LRRIQ3: variants seen among roughly 807,000 people sequenced by gnomAD.
LRRIQ3 encodes the protein leucine-rich repeat and IQ domain-containing protein 3.
Under a neutral mutation model 59.3 loss-of-function variants are expected in LRRIQ3, and 75 were observed. The observed-to-expected ratio is 1.26, with a 90% confidence interval of 1.05 to 1.53. LRRIQ3 has a LOEUF of 1.53. Ranked by LOEUF, LRRIQ3 falls within the 40% of genes most tolerant of loss-of-function variation. The pLI, the probability that LRRIQ3 is intolerant of heterozygous loss-of-function variation, is 0.00. For synonymous variants in LRRIQ3, 250 were observed against 231.3 expected (o/e 1.08, Z -0.73); for missense variants, 831 against 710.0 (o/e 1.17, Z -1.94).
Position 74,155,689 on chromosome 1 carries a change from C to T in LRRIQ3, c.707+44G>A, listed in dbSNP as rs758549120. On this transcript the variant is annotated intron_variant, in intron 4 of 7. Coordinates refer to ENST00000354431, the MANE Select transcript of LRRIQ3 (RefSeq NM_001105659.2). ...TGACTTCTTATCATTTATTTCTTCACCTTCTTATTTCAATATTCAAATGGT... is the reference window on the plus strand; with the variant it reads ...TGACTTCTTATCATTTATTTCTTCATCTTCTTATTTCAATATTCAAATGGT... 2.0e-5 allele frequency: 30 copies of T among 1,498,082 alleles called. No individual in the cohort carries two copies. In the African/African-American group the frequency reaches 3.3e-4, roughly 17 times the overall value. The allele number at this position is 1,498,082 out of a possible 1,614,324, so 92.8% of individuals were successfully genotyped here.
chr1:74,067,566 T>C (rs575478367), intron 6 of LRRIQ3, among the ~76,000 whole-genome samples: 2 of 152,270 alleles, frequency 1.3e-5, no homozygotes, highest in South Asian at 4.1e-4. Context: ...TCTGTTAAAA[T>C]TATAGATATC....
chr1:74,099,726 T>A (rs1438353676), intron 5 of LRRIQ3, among the ~76,000 whole-genome samples: 1 of 152,160 alleles, frequency 6.6e-6, no homozygotes, highest in Non-Finnish European at 1.5e-5. Context: ...GTGTGCTTCA[T>A]CCCTGGGATG....
intron 5 of LRRIQ3, among the ~76,000 whole-genome samples, chr1:74,097,812 A>G (rs1646469453): frequency 1.3e-5 from 2 of 152,194 alleles, no homozygotes; most frequent in South Asian, 4.1e-4. Flanking sequence ...ACTAAGCTTC[A>G]TAAGTGAAGG....
intron 6 of LRRIQ3, among the ~76,000 whole-genome samples, chr1:74,073,923 C>A (rs1646166603): frequency 1.3e-5 from 2 of 151,930 alleles, no homozygotes; most frequent in South Asian, 4.1e-4. Flanking sequence ...TGTTGTAAAA[C>A]AAAATCAAGA....
chr1:74,041,283 G>C lies in LRRIQ3; in HGVS notation c.1648C>G (p.Leu550Val). The part of the protein sequence containing the change: ...KNEAVLKEKS[L>V]IVKQKLKAEK... ...GCTTTTAGTTTTTGCTTAACAATCAGGCTTTTCTCTTTTAGGACAGCCTCA... is the reference window on the plus strand; with the variant it reads ...GCTTTTAGTTTTTGCTTAACAATCACGCTTTTCTCTTTTAGGACAGCCTCA... Residue 550 changes from leucine to valine, a missense_variant, in exon 7 of 8, where the codon CTG becomes GTG. Transcript: ENST00000354431. The C allele has an allele frequency of 6.2e-7, 1 of 1,607,534 alleles. No individual in the cohort carries two copies. Among genetic ancestry groups the C allele is most frequent in the Non-Finnish European group, 8.5e-7 (1 of 1,178,388 alleles).
intron 4 of LRRIQ3, among the ~76,000 whole-genome samples, chr1:74,147,218 A>G (rs1426863147): frequency 6.6e-6 from 1 of 152,144 alleles, no homozygotes; most frequent in Non-Finnish European, 1.5e-5. Flanking sequence ...TACAGGTAAG[A>G]CTCTGCATCA....
chr1:74,185,422 C>A lies in LRRIQ3; in HGVS notation c.1-1738G>T, dbSNP rs144340741. ...TGTTGAGCATCTTTCATACATGTGGCTTATTAGCCACATGTATATCTTCCT... is the reference window on the plus strand; with the variant it reads ...TGTTGAGCATCTTTCATACATGTGGATTATTAGCCACATGTATATCTTCCT... On this transcript the variant is annotated intron_variant, in intron 1 of 7. Transcript: ENST00000354431. Among the ~76,000 whole-genome samples the A allele has an allele frequency of 6.2e-4, 94 of 152,188 alleles. No homozygotes were observed. The East Asian group carries it at 0.018, about 29-fold the overall frequency.
chr1:74,104,100 G>A (rs534142228), intron 5 of LRRIQ3, among the ~76,000 whole-genome samples: 98 of 152,074 alleles, frequency 6.4e-4, no homozygotes, highest in African/African-American at 2.3e-3. Context: ...TAGATGGTAA[G>A]TAAGCATACG....
intron 6 of LRRIQ3, among the ~76,000 whole-genome samples, chr1:74,049,432 G>A (rs988063013): frequency 1.3e-5 from 2 of 152,182 alleles, no homozygotes; most frequent in Non-Finnish European, 2.9e-5. Flanking sequence ...AAGATTTTAT[G>A]ATAGGAAGGG....
At chr1:74,045,384 A>C (rs1326543756) in intron 6 of LRRIQ3, among the ~76,000 whole-genome samples, 1 of 152,220 alleles carries the variant, frequency 6.6e-6, no homozygotes, top group East Asian at 1.9e-4. Context: ...CAATAGTTGC[A>C]GAAAAGGCCT....
At chr1:74,173,213 C>T (rs994822240) in intron 3 of LRRIQ3, among the ~76,000 whole-genome samples, 2 of 148,346 alleles carry the variant, frequency 1.3e-5, no homozygotes, top group African/African-American at 2.5e-5. Context: ...AGGAGAATGG[C>T]ATGAACCCAG....
At chr1:74,168,354 T>C (rs1304873626) in intron 3 of LRRIQ3, among the ~76,000 whole-genome samples, 3 of 152,226 alleles carry the variant, frequency 2.0e-5, no homozygotes, top group Admixed American at 6.5e-5. Flanking sequence ...CCTCTGATAA[T>C]TCCCTTTGTG....
At chr1:74,053,190 A>C (rs954234692) in intron 6 of LRRIQ3, among the ~76,000 whole-genome samples, 2 of 151,730 alleles carry the variant, frequency 1.3e-5, no homozygotes, top group East Asian at 3.9e-4. Flanking sequence ...AAAAAAAAAA[A>C]AAAACAAATT....
At chr1:74,148,486 G>A (rs1348040753) in intron 4 of LRRIQ3, among the ~76,000 whole-genome samples, 1 of 152,136 alleles carries the variant, frequency 6.6e-6, no homozygotes, top group African/African-American at 2.4e-5. Context: ...TGGCATACAT[G>A]GGTGGCAGTA....
chr1:74,111,032 C>T (rs902397247), intron 4 of LRRIQ3, among the ~76,000 whole-genome samples: 6 of 152,008 alleles, frequency 3.9e-5, no homozygotes, highest in Non-Finnish European at 8.8e-5. Context: ...ATTACTTCTG[C>T]TCACTTTCCA....
chr1:74,026,804 G>C lies in LRRIQ3; in HGVS notation c.*9C>G. 1.9e-6 allele frequency: 3 copies of C among 1,590,640 alleles called. No homozygotes were observed. The highest frequency in any genetic ancestry group is 2.6e-6 in the Non-Finnish European group (3 of 1,169,716). On this transcript the variant is annotated 3_prime_UTR_variant, in exon 8 of 8. Coordinates refer to ENST00000354431, the MANE Select transcript of LRRIQ3 (RefSeq NM_001105659.2). Reference sequence around the variant, plus strand: ...TTAAGATGATCATAGGATGTGATCTGGCATTGATTCATTTTATCAGTCCAT... The same window carrying C: ...TTAAGATGATCATAGGATGTGATCTCGCATTGATTCATTTTATCAGTCCAT...
chr1:74,120,124 GTTTT>G (rs377163655), intron 4 of LRRIQ3, among the ~76,000 whole-genome samples: 1 of 142,654 alleles, frequency 7.0e-6, no homozygotes, highest in Non-Finnish European at 1.5e-5. Flanking sequence ...TTTGTATGTT[GTTTT>G]TTTTTTTTGA....
At position 74,172,417 on chromosome 1, in the gene LRRIQ3, T is replaced by C. The variant is rs578011062; in HGVS notation, c.573+10121A>G. Among the ~76,000 whole-genome samples the C allele has an allele frequency of 8.5e-5, 13 of 152,316 alleles. No individual in the cohort carries two copies. The South Asian group carries it at 2.3e-3, about 27-fold the overall frequency. ...TCCCAATTTCCTTTTGTTAATGATA[T>C]CTAGTTTTATTCCATTGTGCTTAGA... On this transcript the variant is annotated intron_variant, in intron 3 of 7. Transcript: ENST00000354431.
intron 4 of LRRIQ3, chr1:74,138,458 TG>T: frequency 1.0e-6 from 1 of 983,702 alleles, no homozygotes; most frequent in Non-Finnish European, 1.2e-6. Context: ...TGGTGTCCCA[TG>T]GGCAGGGTCT....
Sources: gnomAD v4.1 joint callset for allele counts (sites outside exome capture counted in the v4.1 genomes callset) on GRCh38, gnomAD v4.1.1 for gene constraint, MANE v1.5 for transcripts, NCBI Gene and HGNC (gene_info 2026-07-23, HGNC 2026-07-21) for gene names.